Variants in CABLES1 observed in about 807,000 individuals in gnomAD.
CABLES1 encodes the protein Cdk5 and Abl enzyme substrate 1.
A neutral mutation model predicts 57.8 loss-of-function variants in CABLES1; 36 were observed. That is an observed-to-expected ratio of 0.62 (90% CI 0.48 to 0.82). The LOEUF (loss-of-function observed/expected upper bound fraction) is 0.82, where lower values mean the gene tolerates loss of function less well. CABLES1 is among the 40% of genes least tolerant of loss of function. The pLI, the probability that CABLES1 is intolerant of heterozygous loss-of-function variation, is 0.00. For synonymous variants in CABLES1, 374 were observed against 363.0 expected (o/e 1.03, Z -0.35); for missense variants, 767 against 836.6 (o/e 0.92, Z 1.03).
chr18:23,200,662 G>GT (rs1246900360), intron 3 of CABLES1, among the ~76,000 whole-genome samples: 1 of 152,198 alleles, frequency 6.6e-6, no homozygotes, highest in Non-Finnish European at 1.5e-5. Flanking sequence ...AGCAGTCAAC[G>GT]TGAGTTCACT....
chr18:23,205,317 C>T (rs551252858), intron 3 of CABLES1, among the ~76,000 whole-genome samples: 1 of 151,558 alleles, frequency 6.6e-6, no homozygotes, highest in Non-Finnish European at 1.5e-5. Context: ...CCTCAGCTTC[C>T]CGGATAGCTG....
intron 4 of CABLES1, chr18:23,219,321 C>T (rs1011369538): frequency 3.5e-5 from 16 of 454,014 alleles, no homozygotes; most frequent in Non-Finnish European, 7.1e-5. Context: ...ACATTGAGTC[C>T]TAAGCAATGT....
chr18:23,230,801 G>T (rs2047561904), intron 4 of CABLES1, among the ~76,000 whole-genome samples: 1 of 152,142 alleles, frequency 6.6e-6, no homozygotes, highest in Non-Finnish European at 1.5e-5. Flanking sequence ...GAAGGGCCTG[G>T]AACCTACTGT....
At chr18:23,224,594 A>T (rs184264269) in intron 4 of CABLES1, among the ~76,000 whole-genome samples, 77 of 117,914 alleles carry the variant, frequency 6.5e-4, no homozygotes, top group African/African-American at 2.5e-3. Context: ...TTGGAGACAG[A>T]GTCTCTCTCA....
chr18:23,159,494 C>A (rs760959008), intron 1 of CABLES1, among the ~76,000 whole-genome samples: 1 of 152,204 alleles, frequency 6.6e-6, no homozygotes. Flanking sequence ...TTCCTATAAA[C>A]AAGTGTTTTG....
At chr18:23,240,286 C>T (rs946809622) in intron 7 of CABLES1, among the ~76,000 whole-genome samples, 1 of 152,126 alleles carries the variant, frequency 6.6e-6, no homozygotes, top group Non-Finnish European at 1.5e-5. Context: ...AGTGGAAAGA[C>T]CCCAAAGTAG....
intron 1 of CABLES1, among the ~76,000 whole-genome samples, chr18:23,150,937 C>G (rs370498216): frequency 6.6e-6 from 1 of 151,072 alleles, no homozygotes; most frequent in Non-Finnish European, 1.5e-5. Flanking sequence ...ACCTGAGAAT[C>G]GGGCGGATGC....
intron 1 of CABLES1, among the ~76,000 whole-genome samples, chr18:23,177,893 C>T (rs902417898): frequency 1.3e-5 from 2 of 152,182 alleles, no homozygotes; most frequent in African/African-American, 4.8e-5. Flanking sequence ...TTCCCAGCCA[C>T]CCTCCTTGCC....
rs1464869522 is a variant in CABLES1 at position 23,259,883 on chromosome 18, CT to C, written c.*2517del. The stretch of plus-strand genomic sequence containing the variant: ...AGCCCTGCCCCCTCTCAGGACTGCC[CT>C]GAGGCCTCTCCAGTCCTCCCCACAC... On this transcript the variant is annotated 3_prime_UTR_variant, in exon 10 of 10. Transcript: ENST00000256925. 1.3e-5 allele frequency: 2 copies of C among 152,458 alleles called. No individual in the cohort carries two copies. Among genetic ancestry groups the C allele is most frequent in the Non-Finnish European group, 2.9e-5 (2 of 68,272 alleles). The allele number at this position is 152,458 out of a possible 1,614,324, so 9.4% of individuals were successfully genotyped here.
At chr18:23,164,634 G>C (rs963669573) in intron 1 of CABLES1, among the ~76,000 whole-genome samples, 1 of 151,100 alleles carries the variant, frequency 6.6e-6, no homozygotes, top group African/African-American at 2.4e-5. Context: ...ATTGAGCAGA[G>C]AGTACAGACC....
At chr18:23,210,382 G>A (rs1470588513) in intron 3 of CABLES1, among the ~76,000 whole-genome samples, 1 of 152,198 alleles carries the variant, frequency 6.6e-6, no homozygotes, top group Non-Finnish European at 1.5e-5. Flanking sequence ...GTGGTTGGAG[G>A]CAAAGACATG....
At chr18:23,154,336 AC>A (rs1010961237) in intron 1 of CABLES1, among the ~76,000 whole-genome samples, 4 of 152,210 alleles carry the variant, frequency 2.6e-5, no homozygotes, top group South Asian at 4.1e-4. Context: ...GTCTCCACAT[AC>A]AGCAGCAGTT....
intron 1 of CABLES1, among the ~76,000 whole-genome samples, chr18:23,188,560 T>C (rs1040673827): frequency 2.0e-5 from 3 of 152,278 alleles, no homozygotes; most frequent in Non-Finnish European, 4.4e-5. Context: ...TGTGTGTGTG[T>C]GTGTGTCCTT....
At position 23,176,273 on chromosome 18, in the gene CABLES1, T is replaced by C. The variant is rs568980852; in HGVS notation, c.846-12565T>C. Among the ~76,000 whole-genome samples the C allele has an allele frequency of 4.6e-5, 7 of 152,272 alleles. No homozygotes were observed. In the South Asian group the frequency reaches 1.2e-3, roughly 27 times the overall value. On this transcript the variant is annotated intron_variant, in intron 1 of 9. Coordinates refer to ENST00000256925, the MANE Select transcript of CABLES1 (RefSeq NM_001100619.3). ...GATGAAACTGTTCCACCTGAGATCA[T>C]TGGGCATTAAATTCTTAAAAGGAGT... is the stretch of plus-strand genomic sequence containing the variant.
At chr18:23,167,650 A>G (rs1477620207) in intron 1 of CABLES1, among the ~76,000 whole-genome samples, 1 of 151,438 alleles carries the variant, frequency 6.6e-6, no homozygotes, top group East Asian at 2.0e-4. Context: ...CTCTAAATCA[A>G]GAGGGAGAGC....
chr18:23,178,227 A>G (rs1225664868), intron 1 of CABLES1, among the ~76,000 whole-genome samples: 1 of 151,396 alleles, frequency 6.6e-6, no homozygotes, highest in Admixed American at 6.6e-5. Flanking sequence ...TTTTTTTTCA[A>G]CCAGTACCCA....
At chr18:23,245,881 A>AC (rs2047864801) in intron 7 of CABLES1, among the ~76,000 whole-genome samples, 2 of 152,092 alleles carry the variant, frequency 1.3e-5, no homozygotes, top group Non-Finnish European at 2.9e-5. Flanking sequence ...CAGGGTTAGA[A>AC]CCCCCCATCC....
chr18:23,187,025 CAG>C (rs900346699), intron 1 of CABLES1, among the ~76,000 whole-genome samples: 15 of 152,320 alleles, frequency 9.8e-5, no homozygotes, highest in South Asian at 6.2e-4. Context: ...AGTGCTGTCA[CAG>C]GGGTCTAGGC....
chr18:23,137,730 G>A (rs1226107654), intron 1 of CABLES1, among the ~76,000 whole-genome samples: 1 of 152,190 alleles, frequency 6.6e-6, no homozygotes, highest in Admixed American at 6.5e-5. Context: ...GAACAGGCCC[G>A]CCTCATCCAC....
Sources: gnomAD v4.1 joint callset for allele counts (sites outside exome capture counted in the v4.1 genomes callset) on GRCh38, gnomAD v4.1.1 for gene constraint, MANE v1.5 for transcripts, NCBI Gene and HGNC (gene_info 2026-07-23, HGNC 2026-07-21) for gene names.